BCAS3: variants seen among roughly 807,000 people sequenced by gnomAD.
BCAS3 encodes the protein BCAS4/BCAS3 fusion.
A neutral mutation model predicts 116.1 loss-of-function variants in BCAS3; 53 were observed. That is an observed-to-expected ratio of 0.46 (90% confidence interval 0.37 to 0.57). BCAS3 has a LOEUF of 0.57. Ranked by LOEUF, BCAS3 falls within the 20% of genes least tolerant of loss-of-function variation. The pLI is 0.00. For missense variants in BCAS3, 917 were observed against 1,165.4 expected, an observed-to-expected ratio of 0.79 and a Z score of 3.10; for synonymous variants, 391 against 408.2, an observed-to-expected ratio of 0.96 and a Z score of 0.51.
intron 7 of BCAS3, among the ~76,000 whole-genome samples, chr17:60,853,037 A>C (rs1214120300): frequency 6.6e-6 from 1 of 152,246 alleles, no homozygotes; most frequent in Non-Finnish European, 1.5e-5. Context: ...GAACTTGAAT[A>C]CAACCAAGAT....
At chr17:60,939,697 G>A (rs577038413) in intron 13 of BCAS3, among the ~76,000 whole-genome samples, 1 of 152,268 alleles carries the variant, frequency 6.6e-6, no homozygotes, top group Admixed American at 6.5e-5. Context: ...TGAACACAAG[G>A]GAACTTTTTT....
Position 61,256,295 on chromosome 17 carries a change from A to ATTTAT in BCAS3, c.2426-112018_2426-112014dup, listed in dbSNP as rs1346713599. 2.7e-5 allele frequency among the ~76,000 whole-genome samples: 4 copies of ATTTAT among 149,524 alleles called. No homozygotes were observed. Among genetic ancestry groups the ATTTAT allele is most frequent in the Non-Finnish European group, 6.0e-5 (4 of 66,922 alleles). ...GTTTGTTTGTTTTTCATTTATTTTT[A>ATTTAT]TTTATTTTATTTTATTTTTATTTTT... On this transcript the variant is annotated intron_variant, in intron 22 of 23. Transcript: ENST00000407086. The surrounding 1 kb of genome is among the most constrained non-coding windows in gnomAD (Gnocchi z 5.6).
intron 4 of BCAS3, 66 bp from the exon 5 acceptor site, chr17:60,709,153 C>G (rs1041051457): frequency 7.8e-6 from 6 of 765,610 alleles, no homozygotes; most frequent in Non-Finnish European, 1.4e-5. Flanking sequence ...TAAAGAAATA[C>G]AGTTGTTTTC....
rs527254071 is a variant in BCAS3, at chr17:60,851,347, G to A, written c.477-17229G>A. Reference sequence around the variant, plus strand: ...AAAGGCTCTCGGCATGCTGCGGCCCGCAGGCACCTGGCACACGTCCTCCCC... The same window carrying A: ...AAAGGCTCTCGGCATGCTGCGGCCCACAGGCACCTGGCACACGTCCTCCCC... On this transcript the variant is annotated intron_variant, in intron 7 of 23. Coordinates refer to ENST00000407086, the MANE Select transcript of BCAS3 (RefSeq NM_017679.5). 162 of 348,742 alleles carry A rather than the reference G, an allele frequency of 4.6e-4. 1 individual carries two copies. Among genetic ancestry groups the A allele is most frequent in the South Asian group, 3.7e-3 (152 of 40,972 alleles). The allele number at this position is 348,742 out of a possible 1,614,324, so 21.6% of individuals were successfully genotyped here. A position where few individuals can be genotyped will look rare whatever the true frequency, so the allele number is the denominator to read the frequency against.
At chr17:61,137,022 G>A (rs1165603955) in intron 22 of BCAS3, among the ~76,000 whole-genome samples, 1 of 152,136 alleles carries the variant, frequency 6.6e-6, no homozygotes, top group East Asian at 1.9e-4. Flanking sequence ...TTTAAAAAAA[G>A]TATTGGTTTA....
At chr17:61,319,937 C>T (rs948801364) in intron 22 of BCAS3, among the ~76,000 whole-genome samples, 5 of 146,576 alleles carry the variant, frequency 3.4e-5, no homozygotes, top group African/African-American at 7.7e-5. Context: ...GTCACCCAGG[C>T]TGGAGTGTAG....
At chr17:61,047,543 G>C (rs1158697396) in intron 19 of BCAS3, among the ~76,000 whole-genome samples, 1 of 151,978 alleles carries the variant, frequency 6.6e-6, no homozygotes, top group African/African-American at 2.4e-5. Flanking sequence ...GATGACAGCA[G>C]AGGTCATTAG....
intron 6 of BCAS3, among the ~76,000 whole-genome samples, chr17:60,798,742 G>A (rs2047435519): frequency 2.6e-5 from 4 of 152,192 alleles, no homozygotes. Context: ...AGTATGTTTA[G>A]TTTTGTAAGA....
At chr17:60,845,099 G>A (rs540096301) in intron 7 of BCAS3, among the ~76,000 whole-genome samples, 22 of 152,176 alleles carry the variant, frequency 1.4e-4, no homozygotes, top group South Asian at 4.2e-4. Flanking sequence ...GCCCGGTGGC[G>A]CATGCCTGTA....
In BCAS3 at chr17:61,118,971, C is replaced by T. The variant is rs1429474209; in HGVS notation, c.2425+34407C>T. 7.2e-5 allele frequency among the ~76,000 whole-genome samples: 11 copies of T among 151,736 alleles called. No homozygotes were observed. Among genetic ancestry groups the T allele is most frequent in the Admixed American group, 7.2e-4 (11 of 15,230 alleles). On this transcript the variant is annotated intron_variant, in intron 22 of 23. Transcript: ENST00000407086. The surrounding 1 kb of genome is among the most constrained non-coding windows in gnomAD (Gnocchi z 5.0). Reference sequence around the variant, plus strand: ...AAACGTTGACAGTTTCTGTGTTTGTCAATTACTTTAATATTCTATATATTT... The same window carrying T: ...AAACGTTGACAGTTTCTGTGTTTGTTAATTACTTTAATATTCTATATATTT...
chr17:61,038,475 G>A (rs889624374), intron 18 of BCAS3, among the ~76,000 whole-genome samples: 2 of 151,412 alleles, frequency 1.3e-5, no homozygotes, highest in Admixed American at 1.3e-4. Context: ...GGATGGTCTC[G>A]ATCTCCTGAC....
At chr17:60,838,010 T>G (rs2051526327) in intron 7 of BCAS3, among the ~76,000 whole-genome samples, 1 of 152,106 alleles carries the variant, frequency 6.6e-6, no homozygotes, top group Non-Finnish European at 1.5e-5. Flanking sequence ...ATTAAAAAAT[T>G]TTAAAGCTTA....
At chr17:61,283,902 A>G (rs996222017) in intron 22 of BCAS3, among the ~76,000 whole-genome samples, 1 of 152,220 alleles carries the variant, frequency 6.6e-6, no homozygotes, top group African/African-American at 2.4e-5. Context: ...TAGCTGAGAC[A>G]GCAGGCCACC....
Position 61,388,483 on chromosome 17 carries a change from T to C in BCAS3, c.2594-3494T>C, listed in dbSNP as rs2059964030. ...CATGCATGTCACTGTCCTCCTTGACTGCAAACTCCCCCTCCTCACGGTGTG... is the reference window on the plus strand; with the variant it reads ...CATGCATGTCACTGTCCTCCTTGACCGCAAACTCCCCCTCCTCACGGTGTG... On this transcript the variant is annotated intron_variant, in intron 23 of 23. Coordinates refer to ENST00000407086, the MANE Select transcript of BCAS3 (RefSeq NM_017679.5). The surrounding 1 kb of genome is among the most constrained non-coding windows in gnomAD (Gnocchi z 6.5). 1.5e-5 allele frequency: 11 copies of C among 755,800 alleles called. No homozygotes were observed. In the South Asian group the frequency reaches 2.0e-4, roughly 14 times the overall value. 46.8% of individuals were successfully genotyped at this position (755,800 alleles called of 1,614,324 possible). A position where few individuals can be genotyped will look rare whatever the true frequency, so the allele number is the denominator to read the frequency against.
At chr17:60,933,184 G>A (rs1462945647) in intron 13 of BCAS3, among the ~76,000 whole-genome samples, 4 of 151,712 alleles carry the variant, frequency 2.6e-5, no homozygotes, top group Non-Finnish European at 5.9e-5. Context: ...AAAAAAAAAG[G>A]ACCCCATGGA....
intron 22 of BCAS3, among the ~76,000 whole-genome samples, chr17:61,317,070 T>C (rs890850239): frequency 1.3e-5 from 2 of 152,244 alleles, no homozygotes; most frequent in African/African-American, 4.8e-5. Context: ...TGCTTTGTTT[T>C]CTTAAAAAAG....
rs566825165 is a variant in BCAS3 at position 61,056,939 on chromosome 17, C to T, written c.2029+16047C>T. 6.6e-6 allele frequency among the ~76,000 whole-genome samples: 1 copy of T among 152,244 alleles called. No individual in the cohort carries two copies. Among genetic ancestry groups the T allele is most frequent in the South Asian group, 2.1e-4 (1 of 4,814 alleles). ...TTATAGCACTGTTTGACAAATTGCT[C>T]ACTAAATACATCAAAATTGATTGGA... is the stretch of plus-strand genomic sequence containing the variant. On this transcript the variant is annotated intron_variant, in intron 19 of 23. Transcript: ENST00000407086. The surrounding 1 kb of genome is among the most constrained non-coding windows in gnomAD (Gnocchi z 4.9).
In BCAS3 at chr17:61,126,463, C is replaced by CATTA. The variant is rs1189180260; in HGVS notation, c.2425+41900_2425+41903dup. On this transcript the variant is annotated intron_variant, in intron 22 of 23. Coordinates refer to ENST00000407086, the MANE Select transcript of BCAS3 (RefSeq NM_017679.5). This position sits in a 1 kb window ranked among gnomAD's most constrained non-coding sequence, Gnocchi z 4.6. ...TAGTGAAAAACCGAAGGACAATAGTCATTATATGATTTTGTATTTTAAGTA... is the reference window on the plus strand; with the variant it reads ...TAGTGAAAAACCGAAGGACAATAGTCATTAATTATATGATTTTGTATTTTAAGTA... 6.6e-6 allele frequency among the ~76,000 whole-genome samples: 1 copy of CATTA among 152,102 alleles called. No homozygotes were observed. Among genetic ancestry groups the CATTA allele is most frequent in the Non-Finnish European group, 1.5e-5 (1 of 67,994 alleles).
At chr17:60,829,012 A>T (rs1414719324) in intron 7 of BCAS3, among the ~76,000 whole-genome samples, 1 of 152,204 alleles carries the variant, frequency 6.6e-6, no homozygotes, top group South Asian at 2.1e-4. Context: ...TCAGCCCTTA[A>T]CAGCAAAGAA....
Sources: allele counts gnomAD v4.1 joint callset (sites outside exome capture counted in the v4.1 genomes callset), GRCh38; gene constraint gnomAD v4.1.1; non-coding constraint Gnocchi (gnomAD v3.1); transcripts MANE v1.5; gene names NCBI Gene and HGNC (gene_info 2026-07-23, HGNC 2026-07-21).